The following ST18 variants were observed in gnomAD, a reference collection of about 807,000 sequenced individuals.
ST18 encodes the protein suppression of tumorigenicity 18 protein.
In ST18, 50 loss-of-function variants were observed where a neutral mutation model predicts 110.0. The observed-to-expected ratio is 0.45, with a 90% CI of 0.36 to 0.58. The LOEUF (loss-of-function observed/expected upper bound fraction) is 0.58, where lower values mean the gene tolerates loss of function less well. ST18 is among the 20% of genes least tolerant of loss of function. The pLI, the probability that ST18 is intolerant of heterozygous loss-of-function variation, is 0.00. For synonymous variants in ST18, 461 were observed against 452.4 expected, an observed-to-expected ratio of 1.02 and a Z score of -0.24; for missense variants, 1,306 against 1,280.1, an observed-to-expected ratio of 1.02 and a Z score of -0.31.
At chr8:52,176,794 T>C (rs1381590193) in intron 9 of ST18, among the ~76,000 whole-genome samples, 2 of 152,204 alleles carry the variant, frequency 1.3e-5, no homozygotes, top group Admixed American at 1.3e-4. Flanking sequence ...TTTGAGTTTG[T>C]CTCCTTTAGT....
At chr8:52,285,844 C>T (rs565596232) in intron 2 of ST18, among the ~76,000 whole-genome samples, 1 of 152,308 alleles carries the variant, frequency 6.6e-6, no homozygotes, top group South Asian at 2.1e-4. Context: ...CAAAATGCCA[C>T]TTTTGAGGTT....
chr8:52,249,968 C>T (rs1204339802), intron 2 of ST18, among the ~76,000 whole-genome samples: 2 of 151,992 alleles, frequency 1.3e-5, no homozygotes, highest in South Asian at 2.1e-4. Flanking sequence ...TTCCTCCCCC[C>T]GACCCCAGCC....
At chr8:52,389,526 T>C (rs1838488665) in intron 2 of ST18, among the ~76,000 whole-genome samples, 1 of 152,210 alleles carries the variant, frequency 6.6e-6, no homozygotes, top group Non-Finnish European at 1.5e-5. Flanking sequence ...TAAGCACTGG[T>C]TGTGTGCTCT....
intron 10 of ST18, among the ~76,000 whole-genome samples, chr8:52,168,306 C>T (rs1005362047): frequency 3.3e-5 from 5 of 150,360 alleles, no homozygotes; most frequent in African/African-American, 4.9e-5. Context: ...AAGATGCTGA[C>T]GTTGGAACAT....
chr8:52,201,375 A>G (rs1024771234), intron 8 of ST18: 2 of 152,330 alleles, frequency 1.3e-5, no homozygotes, highest in South Asian at 2.1e-4. Flanking sequence ...CACAGGGGCA[A>G]TCTGGAAGAA....
chr8:52,142,142 G>A (rs2055374848), intron 17 of ST18, among the ~76,000 whole-genome samples: 2 of 152,162 alleles, frequency 1.3e-5, no homozygotes, highest in South Asian at 2.1e-4. Context: ...GCCGAGGGAA[G>A]GGAGGTCCCT....
In ST18 at chr8:52,234,728, G is replaced by GGTGTGTGTGTGT. The variant is rs3054614; in HGVS notation, c.-464-4663_-464-4652dup. On this transcript the variant is annotated intron_variant, in intron 2 of 25. Coordinates refer to ENST00000689386, the MANE Select transcript of ST18 (RefSeq NM_001352837.2). Reference sequence around the variant, plus strand: ...ATCAACAAGTGGATAAAGAAACTATGGTGTGTGTGTGTGTGTGTGTGTGTG... The same window carrying GGTGTGTGTGTGT: ...ATCAACAAGTGGATAAAGAAACTATGGTGTGTGTGTGTGTGTGTGTGTGTGTGTGTGTGTGTG... Among the ~76,000 whole-genome samples the GGTGTGTGTGTGT allele has an allele frequency of 2.9e-3, 421 of 145,696 alleles. 1 individual carries two copies. The highest frequency in any genetic ancestry group is 6.3e-3 in the African/African-American group (249 of 39,334).
chr8:52,163,430 G>A (rs1372105641), intron 13 of ST18, among the ~76,000 whole-genome samples: 1 of 152,046 alleles, frequency 6.6e-6, no homozygotes, highest in Non-Finnish European at 1.5e-5. Context: ...TTAGTATTTA[G>A]ATATAAAATC....
At chr8:52,266,599 T>A (rs923874684) in intron 2 of ST18, among the ~76,000 whole-genome samples, 3 of 149,566 alleles carry the variant, frequency 2.0e-5, no homozygotes, top group African/African-American at 7.4e-5. Context: ...TGGAGTGCAG[T>A]GGCGTGATCT....
intron 10 of ST18, chr8:52,171,577 A>G (rs969462600): frequency 1.5e-6 from 1 of 665,312 alleles, no homozygotes; most frequent in South Asian, 1.5e-5. Flanking sequence ...ACCTTTTTTC[A>G]TGTGTGAAAA....
At chr8:52,301,090 T>C (rs1167903236) in intron 2 of ST18, among the ~76,000 whole-genome samples, 1 of 152,214 alleles carries the variant, frequency 6.6e-6, no homozygotes, top group Non-Finnish European at 1.5e-5. Context: ...TGAATAGATT[T>C]CTAATAATGG....
intron 7 of ST18, 149 bp downstream of exon 7, chr8:52,214,054 G>T (rs1208363588): frequency 3.9e-6 from 3 of 770,946 alleles, no homozygotes; most frequent in Admixed American, 2.8e-5. Flanking sequence ...GCCTCTCCGT[G>T]CCAAGAGCCA....
intron 8 of ST18, among the ~76,000 whole-genome samples, chr8:52,200,248 A>C (rs1322543721): frequency 6.6e-6 from 1 of 152,224 alleles, no homozygotes; most frequent in Non-Finnish European, 1.5e-5. Flanking sequence ...AAAGGTGACA[A>C]ATTTTTTTCA....
At chr8:52,252,470 T>C (rs945395703) in intron 2 of ST18, among the ~76,000 whole-genome samples, 4 of 151,640 alleles carry the variant, frequency 2.6e-5, no homozygotes, top group African/African-American at 9.7e-5. Context: ...CAAATCTTAC[T>C]GGTTCATGTT....
At chr8:52,132,258 A>G in intron 21 of ST18, 79 bp from the exon 22 acceptor site, 1 of 1,249,290 alleles carries the variant, frequency 8.0e-7, no homozygotes, top group East Asian at 2.4e-5. Context: ...AAACCATGCA[A>G]TTATAGAGTT....
intron 2 of ST18, among the ~76,000 whole-genome samples, chr8:52,255,949 G>T (rs2094514842): frequency 6.6e-6 from 1 of 152,132 alleles, no homozygotes; most frequent in African/African-American, 2.4e-5. Flanking sequence ...TTTTTGAGAG[G>T]CACCTTGACC....
chr8:52,365,314 G>A (rs925238499), intron 2 of ST18, among the ~76,000 whole-genome samples: 2 of 152,076 alleles, frequency 1.3e-5, no homozygotes, highest in Admixed American at 6.6e-5. Flanking sequence ...CTAAATGACT[G>A]ACTCAGGCTA....
At chr8:52,193,812 G>C (rs1453452512) in intron 8 of ST18, among the ~76,000 whole-genome samples, 2 of 152,198 alleles carry the variant, frequency 1.3e-5, no homozygotes, top group African/African-American at 4.8e-5. Flanking sequence ...TGAACTTCAT[G>C]AGCCAACTCT....
chr8:52,172,653 A>T, intron 9 of ST18, 70 bp from the exon 10 acceptor site: 2 of 1,266,842 alleles, frequency 1.6e-6, no homozygotes, highest in South Asian at 1.6e-5. Context: ...GCAACAAGTT[A>T]TATGTATATA....
Sources: gnomAD v4.1 joint callset for allele counts (sites outside exome capture counted in the v4.1 genomes callset) on GRCh38, gnomAD v4.1.1 for gene constraint, MANE v1.5 for transcripts, NCBI Gene and HGNC (gene_info 2026-07-23, HGNC 2026-07-21) for gene names.